The following MIA2 variants were observed in gnomAD, a reference collection of about 807,000 sequenced individuals.
MIA2 encodes the protein melanoma inhibitory activity protein 2.
A neutral mutation model predicts 167.8 loss-of-function variants in MIA2; 127 were observed. That is an observed-to-expected ratio of 0.76 (90% CI 0.66 to 0.88). The LOEUF (loss-of-function observed/expected upper bound fraction) is 0.88, where lower values mean the gene tolerates loss of function less well. MIA2 is among the 40% of genes least tolerant of loss of function. The probability of loss-of-function intolerance (pLI) is 0.00; values close to 1 mark genes in which losing one functional copy is unlikely to be tolerated. For synonymous variants in MIA2, 552 were observed against 541.9 expected (o/e 1.02, Z -0.26); for missense variants, 1,690 against 1,624.7 (o/e 1.04, Z -0.69).
At chr14:39,249,129 A>T (rs2054444254) in intron 4 of MIA2, among the ~76,000 whole-genome samples, 1 of 152,152 alleles carries the variant, frequency 6.6e-6, no homozygotes. Flanking sequence ...AAGAACTAGG[A>T]TAACAAGAGT....
intron 4 of MIA2, among the ~76,000 whole-genome samples, chr14:39,249,610 A>G (rs1194525045): frequency 2.6e-5 from 4 of 152,218 alleles, no homozygotes; most frequent in African/African-American, 9.6e-5. Flanking sequence ...ACAGTGGGCA[A>G]CAGAATATAA....
chr14:39,252,761 C>A lies in MIA2; in HGVS notation c.1581C>A (p.Asn527Lys). ...SSYSLSDMVS[N>K]IELPTRIHEE... ...ATTTATTTGTAGATATGGTCTCTAACATAGAGTTACCTACGAGAATTCACG... is the reference window on the plus strand; with the variant it reads ...ATTTATTTGTAGATATGGTCTCTAAAATAGAGTTACCTACGAGAATTCACG... Residue 527 changes from asparagine to lysine, a missense_variant, in exon 5 of 29, where the codon AAC (asparagine) becomes AAA (lysine). Asn to Lys is a moderately conservative substitution (Grantham distance 94). Transcript: ENST00000640607. The A allele has an allele frequency of 6.2e-7, 1 of 1,610,146 alleles. No homozygotes were observed. Among genetic ancestry groups the A allele is most frequent in the Non-Finnish European group, 8.5e-7 (1 of 1,177,250 alleles).
chr14:39,298,429 ATATATATATATAT>A (rs1159707721), intron 13 of MIA2, among the ~76,000 whole-genome samples: 2,824 of 22,104 alleles, frequency 0.13, 355 homozygotes, highest in African/African-American at 0.37. Flanking sequence ...ATATATATAT[ATATATATATATAT>A]AAAGATTAGT....
intron 24 of MIA2, among the ~76,000 whole-genome samples, chr14:39,321,748 T>A (rs2066478286): frequency 7.0e-6 from 1 of 143,780 alleles, no homozygotes; most frequent in Admixed American, 7.4e-5. Flanking sequence ...TCTATGTGTA[T>A]GTATATATAT....
chr14:39,289,750 T>G (rs969304412), intron 9 of MIA2, among the ~76,000 whole-genome samples: 12 of 152,186 alleles, frequency 7.9e-5, no homozygotes, highest in African/African-American at 2.9e-4. Context: ...CCCAAAATGC[T>G]GGGATTACAG....
At chr14:39,353,758 C>T (rs1193415369), downstream of MIA2, among the ~76,000 whole-genome samples, 3 of 152,152 alleles carry the variant, frequency 2.0e-5, no homozygotes, top group Admixed American at 2.0e-4. Context: ...TGTTCCCCTT[C>T]CTGTGTCCAA....
At chr14:39,336,567 T>G (rs565050525) in intron 25 of MIA2, among the ~76,000 whole-genome samples, 1 of 152,286 alleles carries the variant, frequency 6.6e-6, no homozygotes, top group African/African-American at 2.4e-5. Context: ...GTGTACAAAG[T>G]TTTGTACAGT....
chr14:39,358,140 C>T (rs1444575196), intron 23 of MIA2, among the ~76,000 whole-genome samples: 1 of 152,164 alleles, frequency 6.6e-6, no homozygotes, highest in Non-Finnish European at 1.5e-5. Context: ...TAATATCCTG[C>T]AGAGTGTTTT....
chr14:39,385,382 G>C, intron 23 of MIA2: 1 of 1,132,426 alleles, frequency 8.8e-7, no homozygotes, highest in Non-Finnish European at 1.3e-6. Flanking sequence ...TAAACTATAA[G>C]GTGGAGAGGT....
At chr14:39,257,419 T>G (rs2054869544) in intron 6 of MIA2, among the ~76,000 whole-genome samples, 1 of 152,186 alleles carries the variant, frequency 6.6e-6, no homozygotes, top group Admixed American at 6.5e-5. Flanking sequence ...CCTTTTTTTT[T>G]GCTTTCCATT....
intron 27 of MIA2, 85 bp from the exon 28 acceptor site, chr14:39,348,658 G>A: frequency 4.5e-6 from 7 of 1,543,594 alleles, no homozygotes; most frequent in Non-Finnish European, 6.3e-6. Context: ...TTTCTGTCTA[G>A]ATGATTTCTT....
At chr14:39,288,739 G>A (rs960441603) in intron 9 of MIA2, among the ~76,000 whole-genome samples, 6 of 151,724 alleles carry the variant, frequency 4.0e-5, no homozygotes, top group Admixed American at 3.9e-4. Flanking sequence ...GGGATTACAT[G>A]CGTGAGCCAC....
chr14:39,299,823 A>C, intron 13 of MIA2, 41 bp from the exon 14 acceptor site: 1 of 1,576,110 alleles, frequency 6.3e-7, no homozygotes, highest in Non-Finnish European at 8.5e-7. Flanking sequence ...TTAATGATTC[A>C]CTTGTGTGAT....
At chr14:39,253,396 G>C (rs189160207) in intron 6 of MIA2, 1 of 610,412 alleles carries the variant, frequency 1.6e-6, no homozygotes, top group Non-Finnish European at 2.7e-6. Flanking sequence ...GATCTTGAGC[G>C]GTGTTTGCTT....
intron 2 of MIA2, 129 bp downstream of exon 2, chr14:39,237,184 G>T (rs2053787791): frequency 1.0e-6 from 1 of 1,000,268 alleles, no homozygotes; most frequent in Non-Finnish European, 1.5e-6. Context: ...GCAGTGGTGT[G>T]ATCACAGCTC....
chr14:39,288,471 A>ATTTTTTT (rs1428823924), intron 9 of MIA2, among the ~76,000 whole-genome samples: 3 of 51,650 alleles, frequency 5.8e-5, no homozygotes, highest in East Asian at 7.3e-4. Context: ...ATATATATAT[A>ATTTTTTT]TATATTTTTT....
chr14:39,270,113 C>T (rs1051659826), intron 6 of MIA2, among the ~76,000 whole-genome samples: 1 of 152,018 alleles, frequency 6.6e-6, no homozygotes, highest in Non-Finnish European at 1.5e-5. Flanking sequence ...TCTGCATTCT[C>T]TCCAACGCTT....
At chr14:39,266,379 C>A (rs1235965586) in intron 6 of MIA2, 13 of 985,286 alleles carry the variant, frequency 1.3e-5, no homozygotes, top group South Asian at 9.4e-5. Flanking sequence ...ATTTAGAAGG[C>A]AAGGTGCTAC....
chr14:39,353,033 C>T (rs1406614248), downstream of MIA2, among the ~76,000 whole-genome samples: 1 of 152,072 alleles, frequency 6.6e-6, no homozygotes, highest in African/African-American at 2.4e-5. Context: ...TTCACCCCAC[C>T]CCATCCTCTT....
Sources: allele counts gnomAD v4.1 joint callset (sites outside exome capture counted in the v4.1 genomes callset), GRCh38; gene constraint gnomAD v4.1.1; transcripts MANE v1.5; gene names NCBI Gene and HGNC (gene_info 2026-07-23, HGNC 2026-07-21).